GPM6A: variants seen among roughly 807,000 people sequenced by gnomAD.
GPM6A encodes the protein neuronal membrane glycoprotein M6-a.
GPM6A carries 7 observed loss-of-function variants against 32.1 expected under a neutral mutation model. The observed-to-expected ratio is 0.22, with a 90% CI of 0.12 to 0.41. GPM6A has a LOEUF of 0.41. GPM6A is among the 10% of genes least tolerant of loss of function. The pLI is 1.00. For synonymous variants in GPM6A, 130 were observed against 123.4 expected (o/e 1.05, Z -0.35); for missense variants, 235 against 347.2 (o/e 0.68, Z 2.57).
chr4:175,833,990 T>C (rs548210163), intron 1 of GPM6A, among the ~76,000 whole-genome samples: 4 of 152,204 alleles, frequency 2.6e-5, no homozygotes, highest in African/African-American at 7.2e-5. Flanking sequence ...TCTGAGCTAG[T>C]GCGTTTCAGA....
chr4:175,764,197 A>G (rs535372579), intron 1 of GPM6A, among the ~76,000 whole-genome samples: 2 of 152,312 alleles, frequency 1.3e-5, no homozygotes, highest in African/African-American at 2.4e-5. Context: ...AGCACCTACC[A>G]GTGACTCATC....
At chr4:175,910,524 T>C (rs1187690490) in intron 1 of GPM6A, among the ~76,000 whole-genome samples, 1 of 152,150 alleles carries the variant, frequency 6.6e-6, no homozygotes, top group Admixed American at 6.6e-5. Flanking sequence ...ACTGTTTGAC[T>C]GAGACTATGA....
intron 2 of GPM6A, among the ~76,000 whole-genome samples, chr4:175,686,994 A>C (rs1169098095): frequency 6.6e-6 from 1 of 152,200 alleles, no homozygotes; most frequent in Non-Finnish European, 1.5e-5. Context: ...AACATTCCTG[A>C]GTAAAAATGA....
chr4:175,678,792 T>G (rs1469577767), intron 2 of GPM6A, among the ~76,000 whole-genome samples: 1 of 152,210 alleles, frequency 6.6e-6, no homozygotes, highest in East Asian at 1.9e-4. Context: ...ATACAATTCT[T>G]TTGGTGAAAA....
At chr4:175,716,496 G>A (rs1325928259) in intron 1 of GPM6A, among the ~76,000 whole-genome samples, 1 of 152,086 alleles carries the variant, frequency 6.6e-6, no homozygotes, top group Admixed American at 6.6e-5. Flanking sequence ...AACTTGTTGT[G>A]CACATCATAC....
intron 1 of GPM6A, among the ~76,000 whole-genome samples, chr4:175,889,432 G>A (rs1188796180): frequency 6.6e-6 from 1 of 151,834 alleles, no homozygotes; most frequent in African/African-American, 2.4e-5. Flanking sequence ...GGCTACGGCA[G>A]GAGGATGACT....
At chr4:175,654,965 G>C (rs982054498) in intron 3 of GPM6A, among the ~76,000 whole-genome samples, 2 of 152,114 alleles carry the variant, frequency 1.3e-5, no homozygotes, top group East Asian at 3.9e-4. Context: ...AGCTTCTTTT[G>C]AAGATGTTGT....
intron 1 of GPM6A, among the ~76,000 whole-genome samples, chr4:175,871,419 G>A (rs985297471): frequency 5.3e-5 from 8 of 152,022 alleles, no homozygotes; most frequent in Admixed American, 2.6e-4. Context: ...GCAGTGATCC[G>A]AGATTGCACC....
chr4:175,789,259 A>T (rs975476139), intron 1 of GPM6A, among the ~76,000 whole-genome samples: 4 of 152,162 alleles, frequency 2.6e-5, no homozygotes, highest in African/African-American at 7.2e-5. Context: ...GTTCTATTTA[A>T]AATATTTATT....
chr4:175,862,802 T>C (rs759496981), intron 1 of GPM6A, among the ~76,000 whole-genome samples: 12 of 152,142 alleles, frequency 7.9e-5, no homozygotes, highest in African/African-American at 1.4e-4. Flanking sequence ...ATCCAGTGAA[T>C]ATTTCATGCA....
At chr4:175,765,723 G>C (rs201600618) in intron 1 of GPM6A, among the ~76,000 whole-genome samples, 6 of 151,964 alleles carry the variant, frequency 3.9e-5, no homozygotes, top group African/African-American at 1.5e-4. Flanking sequence ...CCCAATCCTC[G>C]CTATGACCTA....
At chr4:175,982,857 C>G (rs554533366) in intron 1 of GPM6A, among the ~76,000 whole-genome samples, 3 of 152,056 alleles carry the variant, frequency 2.0e-5, no homozygotes, top group Non-Finnish European at 4.4e-5. Context: ...GTCCTCCAAT[C>G]AATTAATGTG....
At chr4:175,978,979 A>T (rs1173919100) in intron 1 of GPM6A, among the ~76,000 whole-genome samples, 1 of 151,722 alleles carries the variant, frequency 6.6e-6, no homozygotes. Flanking sequence ...AAAAAAAAAA[A>T]TCCAAATTGA....
At chr4:175,921,218 C>A (rs1738654856) in intron 1 of GPM6A, among the ~76,000 whole-genome samples, 1 of 152,066 alleles carries the variant, frequency 6.6e-6, no homozygotes, top group African/African-American at 2.4e-5. Context: ...TCAGAATCTT[C>A]CTTTTTAATA....
chr4:175,851,863 T>A (rs1736269137), intron 1 of GPM6A, among the ~76,000 whole-genome samples: 1 of 152,242 alleles, frequency 6.6e-6, no homozygotes, highest in South Asian at 2.1e-4. Flanking sequence ...TCACTTAGTT[T>A]CCAGTAAAAC....
chr4:175,884,366 T>C (rs188222644), intron 1 of GPM6A, among the ~76,000 whole-genome samples: 242 of 152,310 alleles, frequency 1.6e-3, no homozygotes, highest in African/African-American at 5.5e-3. Context: ...ACTATATTCA[T>C]GGTTCTTTCA....
At position 175,909,676 on chromosome 4, in the gene GPM6A, G is replaced by T. The variant is rs180709383; in HGVS notation, c.-23+92633C>A. ...AGTACTAAAGGAAGAGCAATAACGAGAATTCAATTTAAGCTACAGTAATCT... is the reference window on the plus strand; with the variant it reads ...AGTACTAAAGGAAGAGCAATAACGATAATTCAATTTAAGCTACAGTAATCT... On this transcript the variant is annotated intron_variant, in intron 1 of 7. Transcript: ENST00000280187. Among the ~76,000 whole-genome samples, 3 of 152,210 alleles carry T rather than the reference G, an allele frequency of 2.0e-5. No homozygotes were observed. In the East Asian group the frequency reaches 5.8e-4, roughly 29 times the overall value.
At chr4:175,723,375 A>G (rs994815592) in intron 1 of GPM6A, among the ~76,000 whole-genome samples, 13 of 152,064 alleles carry the variant, frequency 8.5e-5, no homozygotes, top group Admixed American at 6.5e-4. Context: ...TTTTCTCCCT[A>G]TTTTCTCAGC....
chr4:175,829,944 G>A (rs1418415204), intron 1 of GPM6A, among the ~76,000 whole-genome samples: 1 of 151,948 alleles, frequency 6.6e-6, no homozygotes, highest in Non-Finnish European at 1.5e-5. Context: ...TCTTATAATT[G>A]CCGTAATCTG....
Sources: allele counts gnomAD v4.1 joint callset (sites outside exome capture counted in the v4.1 genomes callset), GRCh38; gene constraint gnomAD v4.1.1; transcripts MANE v1.5; gene names NCBI Gene and HGNC (gene_info 2026-07-23, HGNC 2026-07-21).